Variants in CPEB3 observed in about 807,000 individuals in gnomAD.
CPEB3 encodes cytoplasmic polyadenylation element binding protein 3, also known as cytoplasmic polyadenylation element-binding protein 3.
In CPEB3, 20 loss-of-function variants were observed where a neutral mutation model predicts 67.2. The observed-to-expected ratio is 0.30, with a 90% confidence interval of 0.21 to 0.43. CPEB3 has a LOEUF of 0.43. CPEB3 is among the 20% of genes least tolerant of loss of function. The pLI, the probability that CPEB3 is intolerant of heterozygous loss-of-function variation, is 1.00. For missense variants in CPEB3, 746 were observed against 968.6 expected, an observed-to-expected ratio of 0.77 and a Z score of 3.05; for synonymous variants, 376 against 393.1, an observed-to-expected ratio of 0.96 and a Z score of 0.51.
chr10:92,176,886 G>A (rs1188519104), intron 4 of CPEB3, among the ~76,000 whole-genome samples: 1 of 152,206 alleles, frequency 6.6e-6, no homozygotes, highest in African/African-American at 2.4e-5. Context: ...AGCCACATGT[G>A]GCCCAAGACG....
chr10:92,177,900 T>G (rs1390914411), intron 4 of CPEB3, among the ~76,000 whole-genome samples: 1 of 152,196 alleles, frequency 6.6e-6, no homozygotes, highest in African/African-American at 2.4e-5. Flanking sequence ...GAAGATTTTT[T>G]GGGAAACATA....
intron 2 of CPEB3, among the ~76,000 whole-genome samples, chr10:92,209,854 T>C (rs886664362): frequency 6.6e-6 from 1 of 150,588 alleles, no homozygotes; most frequent in Admixed American, 6.7e-5. Context: ...GGAGAATCAC[T>C]TGTACCCGAG....
intron 4 of CPEB3, among the ~76,000 whole-genome samples, chr10:92,154,092 T>C (rs1590253350): frequency 6.6e-6 from 1 of 152,200 alleles, no homozygotes; most frequent in Non-Finnish European, 1.5e-5. Context: ...TAAAAACTCA[T>C]TCTCATGTGA....
intron 3 of CPEB3, among the ~76,000 whole-genome samples, chr10:92,182,716 C>T (rs924219147): frequency 2.0e-5 from 3 of 151,106 alleles, no homozygotes; most frequent in African/African-American, 7.3e-5. Flanking sequence ...ATCCCAGCTA[C>T]TTGGGAGGCT....
intron 2 of CPEB3, among the ~76,000 whole-genome samples, chr10:92,215,755 T>TTC (rs1850342246): frequency 7.0e-6 from 1 of 142,088 alleles, no homozygotes; most frequent in African/African-American, 2.6e-5. Context: ...TTTTTTTTTT[T>TTC]TTTCTTTTTT....
At chr10:92,134,994 A>G (rs1050049880) in intron 6 of CPEB3, among the ~76,000 whole-genome samples, 3 of 152,162 alleles carry the variant, frequency 2.0e-5, no homozygotes, top group East Asian at 3.8e-4. Flanking sequence ...CCTTCCTTAC[A>G]ACTTATACAA....
intron 7 of CPEB3, among the ~76,000 whole-genome samples, chr10:92,108,657 G>C (rs542937804): frequency 1.3e-5 from 2 of 152,146 alleles, no homozygotes; most frequent in African/African-American, 4.8e-5. Context: ...ATTGGCAGTC[G>C]CCATTCAGAA....
chr10:92,270,870 C>T (rs529098024), intron 1 of CPEB3, among the ~76,000 whole-genome samples: 2 of 152,108 alleles, frequency 1.3e-5, no homozygotes, highest in South Asian at 4.2e-4. Flanking sequence ...GGGTCTGACC[C>T]TATTTTACTT....
chr10:92,106,609 G>A (rs991992010), intron 7 of CPEB3, among the ~76,000 whole-genome samples: 8 of 151,924 alleles, frequency 5.3e-5, no homozygotes, highest in Admixed American at 2.6e-4. Flanking sequence ...GAGGTGAGGA[G>A]TTCGAGACCA....
At chr10:92,226,856 G>T (rs149248949) in intron 2 of CPEB3, among the ~76,000 whole-genome samples, 106 of 151,686 alleles carry the variant, frequency 7.0e-4, no homozygotes, top group African/African-American at 2.4e-3. Flanking sequence ...TGGGGGTGGG[G>T]GCCTGGAAGG....
chr10:92,133,153 G>C (rs1244165545), intron 6 of CPEB3, among the ~76,000 whole-genome samples: 3 of 151,972 alleles, frequency 2.0e-5, no homozygotes, highest in Non-Finnish European at 2.9e-5. Flanking sequence ...CAGAAGGCAA[G>C]AAATAACTAA....
chr10:92,250,021 C>CATATAT (rs139850091), intron 1 of CPEB3, among the ~76,000 whole-genome samples: 5,265 of 146,236 alleles, frequency 0.036, 101 homozygotes, highest in Middle Eastern at 0.087. Context: ...GACTCCATCT[C>CATATAT]ATATATATAT....
intron 4 of CPEB3, among the ~76,000 whole-genome samples, chr10:92,177,155 G>C (rs529032066): frequency 3.3e-5 from 5 of 152,314 alleles, no homozygotes; most frequent in African/African-American, 1.2e-4. Context: ...TATGTAGCTA[G>C]AAGAACTCTT....
At chr10:92,134,696 G>A (rs1276576397) in intron 6 of CPEB3, among the ~76,000 whole-genome samples, 11 of 151,964 alleles carry the variant, frequency 7.2e-5, no homozygotes, top group Admixed American at 1.3e-4. Flanking sequence ...AAAAGAGCCC[G>A]CATTGCCAAG....
At chr10:92,064,099 A>G (rs1021444098) in intron 9 of CPEB3, among the ~76,000 whole-genome samples, 1 of 152,234 alleles carries the variant, frequency 6.6e-6, no homozygotes, top group Non-Finnish European at 1.5e-5. Flanking sequence ...AGGAATATGA[A>G]GAGGCTGACA....
intron 8 of CPEB3, among the ~76,000 whole-genome samples, chr10:92,086,958 G>C (rs964844122): frequency 6.6e-5 from 10 of 152,238 alleles, no homozygotes; most frequent in Admixed American, 2.6e-4. Flanking sequence ...GAGTTTATCC[G>C]GGACAACCCA....
chr10:92,143,773 C>G (rs1233907290), intron 5 of CPEB3, among the ~76,000 whole-genome samples: 3 of 152,118 alleles, frequency 2.0e-5, no homozygotes, highest in Non-Finnish European at 4.4e-5. Flanking sequence ...CAGCCATGAT[C>G]TTAAAAATTG....
chr10:92,175,720 C>T (rs1485027070), intron 4 of CPEB3, among the ~76,000 whole-genome samples: 1 of 152,198 alleles, frequency 6.6e-6, no homozygotes, highest in East Asian at 1.9e-4. Flanking sequence ...ACAAATGGAA[C>T]CACATCTCAA....
At position 92,051,384 on chromosome 10, in the gene CPEB3, T is replaced by C. The variant is rs1305507975; in HGVS notation, c.*828A>G. 1.3e-5 allele frequency: 2 copies of C among 152,674 alleles called. No individual in the cohort carries two copies. Among genetic ancestry groups the C allele is most frequent in the Non-Finnish European group, 2.9e-5 (2 of 68,034 alleles). The allele number at this position is 152,674 out of a possible 1,614,324, so 9.5% of individuals were successfully genotyped here. ...ATAGTGACCTTCCACCGAAGCTTTC[T>C]GAAGTCTATTCTGATCTCCGTTCGG... On this transcript the variant is annotated 3_prime_UTR_variant, in exon 10 of 10. Coordinates refer to ENST00000265997, the MANE Select transcript of CPEB3 (RefSeq NM_014912.5).
Sources: allele counts gnomAD v4.1 joint callset (sites outside exome capture counted in the v4.1 genomes callset), GRCh38; gene constraint gnomAD v4.1.1; transcripts MANE v1.5; gene names NCBI Gene and HGNC (gene_info 2026-07-23, HGNC 2026-07-21).